XRCC2: variants seen among roughly 807,000 people sequenced by gnomAD.
XRCC2 encodes DNA repair protein XRCC2.
In XRCC2, 24 loss-of-function variants were observed where a neutral mutation model predicts 27.3. That is an observed-to-expected ratio of 0.88 (90% confidence interval 0.64 to 1.24). The LOEUF is 1.24. XRCC2 is among the 50% of genes most tolerant of loss of function. XRCC2 has a pLI of 0.00. For missense variants in XRCC2, 321 were observed against 325.8 expected (o/e 0.99, Z 0.11); for synonymous variants, 106 against 115.4 (o/e 0.92, Z 0.52).
Position 152,648,944 on chromosome 7 carries a change from C to G in XRCC2, c.541G>C (p.Glu181Gln). Residue 181 changes from glutamate to glutamine, a missense_variant, in exon 3 of 3, where the codon GAG becomes CAG. Transcript: ENST00000359321. ...AGGCGATAGTCATTTACAAGCTTCT[C>G]TAAGCACTGAGAACATTTCCTCAGA... ...STLRKCSQCL[E>Q]KLVNDYRLVL... 2.5e-6 allele frequency: 4 copies of G among 1,614,232 alleles called. No individual in the cohort carries two copies. Among genetic ancestry groups the G allele is most frequent in the Non-Finnish European group, 3.4e-6 (4 of 1,180,056 alleles).
At chr7:152,654,438 G>A (rs1288962169) in intron 2 of XRCC2, among the ~76,000 whole-genome samples, 2 of 151,878 alleles carry the variant, frequency 1.3e-5, no homozygotes, top group African/African-American at 4.8e-5. Context: ...AACATTACAG[G>A]GCAAAAGAGA....
chr7:152,672,372 A>C (rs1288053188), intron 1 of XRCC2, among the ~76,000 whole-genome samples: 2 of 152,248 alleles, frequency 1.3e-5, no homozygotes, highest in Non-Finnish European at 1.5e-5. Context: ...TCTAGCAAAG[A>C]CCACCCTGTA....
intron 1 of XRCC2, among the ~76,000 whole-genome samples, chr7:152,671,743 T>C (rs756275578): frequency 6.6e-6 from 1 of 152,086 alleles, no homozygotes. Flanking sequence ...AGAATGATGA[T>C]TATAAATTTA....
intron 2 of XRCC2, among the ~76,000 whole-genome samples, chr7:152,658,132 A>ATTTTTC (rs901414942): frequency 4.9e-5 from 7 of 142,092 alleles, no homozygotes; most frequent in South Asian, 4.4e-4. Flanking sequence ...CACCTGGGTA[A>ATTTTTC]TTTTTCTTTT....
In XRCC2 at chr7:152,676,025, A is replaced by G. The variant is rs1181354975; in HGVS notation, c.39+16T>C. ...CTTGTTCCCATCTCCCTCACTCCCA[A>G]CCCGGCGGCTCTCACCTCGGTCCCA... On this transcript the variant is annotated intron_variant, in intron 1 of 2. Coordinates refer to ENST00000359321, the MANE Select transcript of XRCC2 (RefSeq NM_005431.2). The G allele has an allele frequency of 6.2e-7, 1 of 1,613,162 alleles. No homozygotes were observed. Among genetic ancestry groups the G allele is most frequent in the Non-Finnish European group, 8.5e-7 (1 of 1,179,638 alleles).
chr7:152,657,011 C>T (rs1273924300), intron 2 of XRCC2, among the ~76,000 whole-genome samples: 4 of 151,766 alleles, frequency 2.6e-5, no homozygotes, highest in Admixed American at 6.6e-5. Context: ...CCAAGGTGGG[C>T]GAATCACCTG....
intron 1 of XRCC2, among the ~76,000 whole-genome samples, chr7:152,663,739 T>C (rs2098034345): frequency 6.6e-6 from 1 of 151,956 alleles, no homozygotes; most frequent in Non-Finnish European, 1.5e-5. Context: ...CTCAGAAGGC[T>C]GACAGAAAAG....
At chr7:152,669,634 C>T (rs953678289) in intron 1 of XRCC2, among the ~76,000 whole-genome samples, 2 of 151,900 alleles carry the variant, frequency 1.3e-5, no homozygotes, top group African/African-American at 4.8e-5. Flanking sequence ...AACTCCTGAC[C>T]TCAAGTGATC....
In XRCC2 at chr7:152,649,072, C is replaced by T. The variant is rs1060502668; in HGVS notation, c.413G>A (p.Cys138Tyr). 3 of 1,614,126 alleles carry T rather than the reference C, an allele frequency of 1.9e-6. No individual in the cohort carries two copies. Among genetic ancestry groups the T allele is most frequent in the Admixed American group, 3.3e-5 (2 of 59,994 alleles). Residue 138 changes from cysteine to tyrosine, a missense_variant, in exon 3 of 3, where the codon TGT (cysteine) becomes TAT (tyrosine). Cys to Tyr is a radical substitution (Grantham distance 194, BLOSUM62 -2). Transcript: ENST00000359321. ...CAAAAGGCAGAGAGATGGGTGACTA[C>T]AAAACATACTTTCTAGTGAGTAAAG... is the stretch of plus-strand genomic sequence containing the variant. ...LTLYSLESMF[C>Y]SHPSLCLLIL...
In XRCC2 at chr7:152,645,686, TAA is replaced by T. The variant is rs532171121; in HGVS notation, c.*2954_*2955del. 127 of 152,348 alleles carry T rather than the reference TAA, an allele frequency of 8.3e-4. No homozygotes were observed. Among genetic ancestry groups the T allele is most frequent in the African/African-American group, 3.0e-3 (126 of 41,582 alleles). 9.4% of individuals were successfully genotyped at this position (152,348 alleles called of 1,614,324 possible). A position where few individuals can be genotyped will look rare whatever the true frequency, so the allele number is the denominator to read the frequency against. ...TAGCAGGCACTCTTGTTCTTGATTT[TAA>T]AAGAGACACTTCTAATATTTCACTA... On this transcript the variant is annotated 3_prime_UTR_variant, in exon 3 of 3. Coordinates refer to ENST00000359321, the MANE Select transcript of XRCC2 (RefSeq NM_005431.2).
At chr7:152,675,391 G>A (rs2098040467) in intron 1 of XRCC2, among the ~76,000 whole-genome samples, 2 of 152,056 alleles carry the variant, frequency 1.3e-5, no homozygotes, top group Admixed American at 6.6e-5. Context: ...GTTCTTTAAT[G>A]GCAGAAGTTA....
chr7:152,658,175 C>T (rs1400464007), intron 2 of XRCC2, among the ~76,000 whole-genome samples: 1 of 149,432 alleles, frequency 6.7e-6, no homozygotes, highest in Non-Finnish European at 1.5e-5. Context: ...GGCGGAGTCT[C>T]ACTCTGTCGC....
intron 2 of XRCC2, among the ~76,000 whole-genome samples, chr7:152,656,991 C>T (rs1397199362): frequency 6.6e-6 from 1 of 152,026 alleles, no homozygotes; most frequent in Non-Finnish European, 1.5e-5. Context: ...AATCCCAACA[C>T]TTTGGGAGGC....
At chr7:152,657,948 CT>C (rs2116996807) in intron 2 of XRCC2, among the ~76,000 whole-genome samples, 1 of 63,672 alleles carries the variant, frequency 1.6e-5, no homozygotes, top group African/African-American at 5.8e-5. Flanking sequence ...CAATCATAAA[CT>C]TTTTGTCTTT....
chr7:152,657,321 C>T (rs774367268), intron 2 of XRCC2, among the ~76,000 whole-genome samples: 12 of 151,586 alleles, frequency 7.9e-5, no homozygotes, highest in African/African-American at 2.9e-4. Flanking sequence ...GTTGTTTTTG[C>T]GACAGTCTTG....
chr7:152,658,442 G>A (rs995911973), intron 2 of XRCC2, among the ~76,000 whole-genome samples: 17 of 152,162 alleles, frequency 1.1e-4, no homozygotes, highest in African/African-American at 3.9e-4. Context: ...GTGAGCCACC[G>A]TGCCTGGTCC....
chr7:152,649,567 G>T (rs929473775), intron 2 of XRCC2, among the ~76,000 whole-genome samples: 1 of 152,154 alleles, frequency 6.6e-6, no homozygotes, highest in Non-Finnish European at 1.5e-5. Context: ...GAGGCTAGGG[G>T]ACTCTCCTCC....
chr7:152,654,483 T>C (rs2098029933), intron 2 of XRCC2, among the ~76,000 whole-genome samples: 1 of 152,220 alleles, frequency 6.6e-6, no homozygotes, highest in South Asian at 2.1e-4. Context: ...AAATAATAAA[T>C]ATAGCAGAAA....
chr7:152,665,930 T>A (rs1159385383), intron 1 of XRCC2, among the ~76,000 whole-genome samples: 1 of 152,188 alleles, frequency 6.6e-6, no homozygotes, highest in Non-Finnish European at 1.5e-5. Context: ...TGACTTTCTC[T>A]GAGAGGATGG....
Sources: gnomAD v4.1 joint callset for allele counts (sites outside exome capture counted in the v4.1 genomes callset) on GRCh38, gnomAD v4.1.1 for gene constraint, MANE v1.5 for transcripts, NCBI Gene and HGNC (gene_info 2026-07-23, HGNC 2026-07-21) for gene names.